Variants in C4orf50 observed in about 807,000 individuals in gnomAD.
C4orf50 encodes chromosome 4 open reading frame 50, also known as uncharacterized protein C4orf50.
Under a neutral mutation model 77.2 loss-of-function variants are expected in C4orf50, and 80 were observed. The observed-to-expected ratio is 1.04, with a 90% CI of 0.87 to 1.25. The LOEUF (loss-of-function observed/expected upper bound fraction) is 1.25, where lower values mean the gene tolerates loss of function less well. Among genes scored for constraint, C4orf50 ranks in the 50% most tolerant of loss-of-function variants. The pLI, the probability that C4orf50 is intolerant of heterozygous loss-of-function variation, is 0.00. For synonymous variants in C4orf50, 532 were observed against 465.3 expected, an observed-to-expected ratio of 1.14 and a Z score of -1.84; for missense variants, 1,257 against 1,152.9, an observed-to-expected ratio of 1.09 and a Z score of -1.31.
At chr4:5,967,453 G>C in exon 32 of C4orf50, 1 of 1,613,998 alleles carries the variant, frequency 6.2e-7, no homozygotes, top group Non-Finnish European at 8.5e-7. Flanking sequence ...ACGTCCAGGT[G>C]GTGGCTTGTC....
chr4:5,949,597 G>A (rs1405720565), intron 7 of C4orf50, among the ~76,000 whole-genome samples: 1 of 152,222 alleles, frequency 6.6e-6, no homozygotes, highest in African/African-American at 2.4e-5. Flanking sequence ...TTGGGAAGAT[G>A]AGAAGGGTTC....
At chr4:5,912,429 T>C (rs1716849498) in intron 7 of C4orf50, among the ~76,000 whole-genome samples, 1 of 152,088 alleles carries the variant, frequency 6.6e-6, no homozygotes, top group Admixed American at 6.6e-5. Context: ...AGATAGGCCT[T>C]TATGAAGAAA....
At chr4:5,982,894 G>A (rs1280524828) in intron 28 of C4orf50, among the ~76,000 whole-genome samples, 1 of 152,140 alleles carries the variant, frequency 6.6e-6, no homozygotes, top group African/African-American at 2.4e-5. Flanking sequence ...GAGGGCAGAG[G>A]TGGCAGCATG....
At chr4:5,920,620 G>C (rs1362866573) in intron 7 of C4orf50, among the ~76,000 whole-genome samples, 1 of 151,936 alleles carries the variant, frequency 6.6e-6, no homozygotes, top group African/African-American at 2.4e-5. Flanking sequence ...GGGACTACAG[G>C]TGTGTGCCAC....
At chr4:5,938,928 T>C (rs66759334) in intron 7 of C4orf50, among the ~76,000 whole-genome samples, 27,818 of 152,136 alleles carry the variant, frequency 0.18, 2,802 homozygotes, top group African/African-American at 0.26. Flanking sequence ...TGCTCATGCT[T>C]CTCTGCTTTT....
chr4:5,937,176 A>G (rs574931494), intron 7 of C4orf50, among the ~76,000 whole-genome samples: 27 of 152,166 alleles, frequency 1.8e-4, no homozygotes, highest in Non-Finnish European at 3.2e-4. Context: ...CGGCAACTAA[A>G]GAAACTGGTA....
exon 28 of C4orf50, chr4:5,990,311 A>C: frequency 8.7e-6 from 9 of 1,029,240 alleles, no homozygotes; most frequent in Non-Finnish European, 1.1e-5. Flanking sequence ...CTTAGCTGGT[A>C]CTTGTCACCA....
chr4:5,948,980 T>C (rs1335270714), intron 7 of C4orf50, among the ~76,000 whole-genome samples: 1 of 101,324 alleles, frequency 9.9e-6, no homozygotes, highest in Non-Finnish European at 2.1e-5. Flanking sequence ...AAAAAAAAAA[T>C]AGAGAAAGAG....
intron 29 of C4orf50, among the ~76,000 whole-genome samples, chr4:5,978,030 C>G (rs1720381401): frequency 6.6e-6 from 1 of 152,166 alleles, no homozygotes; most frequent in Non-Finnish European, 1.5e-5. Flanking sequence ...AACTCTTCTT[C>G]AAATACGACA....
At chr4:6,013,356 G>T (rs1432088956) in intron 23 of C4orf50, among the ~76,000 whole-genome samples, 2 of 152,132 alleles carry the variant, frequency 1.3e-5, no homozygotes, top group African/African-American at 4.8e-5. Flanking sequence ...GGGGAGATTT[G>T]CTAGGAAAAA....
rs1333889899 is a variant in C4orf50 at position 6,000,971 on chromosome 4, G to A, written c.964-6495C>T. ...AGGGCAACCCATCGGTAAGTGGCAGGAGAGCCCACCTCCACCGGAAGTTAG... is the reference window on the plus strand; with the variant it reads ...AGGGCAACCCATCGGTAAGTGGCAGAAGAGCCCACCTCCACCGGAAGTTAG... On this transcript the variant is annotated intron_variant, in intron 25 of 33. Coordinates refer to ENST00000531445, the Ensembl canonical transcript of C4orf50. This position sits in a 1 kb window ranked among gnomAD's most constrained non-coding sequence, Gnocchi z 6.0. 1.3e-5 allele frequency among the ~76,000 whole-genome samples: 2 copies of A among 152,120 alleles called. No homozygotes were observed. The highest frequency in any genetic ancestry group is 2.1e-4 in the South Asian group (1 of 4,824).
At chr4:5,910,077 C>G (rs726112) in intron 7 of C4orf50, among the ~76,000 whole-genome samples, 58,567 of 151,862 alleles carry the variant, frequency 0.39, 14,040 homozygotes, top group East Asian at 0.74. Context: ...GGCATTGAAT[C>G]TGTAGATCGC....
At chr4:5,948,431 G>A (rs544110405) in intron 7 of C4orf50, among the ~76,000 whole-genome samples, 5 of 152,324 alleles carry the variant, frequency 3.3e-5, no homozygotes, top group African/African-American at 7.2e-5. Flanking sequence ...TTGGGAGGCC[G>A]AGGTGGGTGG....
intron 28 of C4orf50, among the ~76,000 whole-genome samples, chr4:5,987,590 G>C (rs1393844415): frequency 2.0e-5 from 3 of 151,032 alleles, no homozygotes; most frequent in African/African-American, 7.3e-5. Flanking sequence ...GAGACAAAGA[G>C]AGAAAGAGGG....
chr4:5,910,263 T>G (rs1386540720), intron 7 of C4orf50, among the ~76,000 whole-genome samples: 1 of 152,216 alleles, frequency 6.6e-6, no homozygotes, highest in Non-Finnish European at 1.5e-5. Context: ...AAGGACAGGT[T>G]AAACCTAGTT....
intron 7 of C4orf50, among the ~76,000 whole-genome samples, chr4:5,913,515 T>C (rs9992445): frequency 0.91 from 137,965 of 152,256 alleles, 62,644 homozygotes; most frequent in East Asian, 1. Flanking sequence ...ATGGAAAATA[T>C]AGATGAGATA....
chr4:5,968,201 C>T (rs141007334), intron 31 of C4orf50, among the ~76,000 whole-genome samples: 2 of 152,334 alleles, frequency 1.3e-5, no homozygotes, highest in African/African-American at 2.4e-5. Context: ...CTCTCTGTCT[C>T]TGGTGAACTT....
intron 7 of C4orf50, among the ~76,000 whole-genome samples, chr4:5,942,510 G>C (rs752297108): frequency 6.6e-6 from 1 of 152,236 alleles, no homozygotes; most frequent in African/African-American, 2.4e-5. Flanking sequence ...CACAAAGTAA[G>C]TAGTGGGGAT....
At chr4:5,909,382 T>G (rs1716694805) in intron 7 of C4orf50, among the ~76,000 whole-genome samples, 1 of 152,248 alleles carries the variant, frequency 6.6e-6, no homozygotes, top group South Asian at 2.1e-4. Context: ...GTTGAATTGT[T>G]TGAGTTCCTT....
Sources: gnomAD v4.1 joint callset for allele counts (sites outside exome capture counted in the v4.1 genomes callset) on GRCh38, gnomAD v4.1.1 for gene constraint, Gnocchi (gnomAD v3.1) non-coding constraint, MANE v1.5 for transcripts, NCBI Gene and HGNC (gene_info 2026-07-23, HGNC 2026-07-21) for gene names.